The following ADAM10 variants were observed in gnomAD, a reference collection of about 807,000 sequenced individuals.
The protein encoded by ADAM10 is ADAM metallopeptidase domain 10, also known as disintegrin and metalloproteinase domain-containing protein 10.
Under a neutral mutation model 90.1 loss-of-function variants are expected in ADAM10, and 17 were observed. The ratio of observed to expected loss-of-function variants is 0.19; its 90% CI spans 0.13 to 0.28. The LOEUF (loss-of-function observed/expected upper bound fraction) is 0.28. Ranked by LOEUF, ADAM10 falls within the 10% of genes least tolerant of loss-of-function variation. ADAM10 has a pLI of 1.00. For synonymous variants in ADAM10, 310 were observed against 298.6 expected, an observed-to-expected ratio of 1.04 and a Z score of -0.40; for missense variants, 610 against 914.3, an observed-to-expected ratio of 0.67 and a Z score of 4.29.
rs545265290 is a variant in ADAM10, at chr15:58,699,513, C to T, written c.207-17199G>A. Among the ~76,000 whole-genome samples, 12 of 152,274 alleles carry T rather than the reference C, an allele frequency of 7.9e-5. No individual in the cohort carries two copies. In the South Asian group the frequency reaches 2.5e-3, roughly 32 times the overall value. On this transcript the variant is annotated intron_variant, in intron 2 of 15. Coordinates refer to ENST00000260408, the MANE Select transcript of ADAM10 (RefSeq NM_001110.4). ...GTGGCTCACATCTGTAATCCTAGCA[C>T]TTTGGGAGGCCGAAACAGGCAGGTC...
intron 3 of ADAM10, among the ~76,000 whole-genome samples, chr15:58,680,236 C>T (rs1240666388): frequency 6.6e-6 from 1 of 152,110 alleles, no homozygotes; most frequent in Non-Finnish European, 1.5e-5. Context: ...ACTCCTCCCA[C>T]CTCCGCCTCC....
intron 14 of ADAM10, among the ~76,000 whole-genome samples, chr15:58,603,875 T>TTA (rs1355141334): frequency 1.9e-4 from 20 of 102,790 alleles, no homozygotes; most frequent in African/African-American, 6.2e-4. Context: ...GGGTCCAGGG[T>TTA]TAAAAAAAAA....
At chr15:58,743,638 CTT>C (rs1899685936) in intron 1 of ADAM10, among the ~76,000 whole-genome samples, 1 of 150,734 alleles carries the variant, frequency 6.6e-6, no homozygotes, top group African/African-American at 2.4e-5. Flanking sequence ...GAGTTTCACT[CTT>C]GTCGCCCAGG....
intron 5 of ADAM10, among the ~76,000 whole-genome samples, chr15:58,663,133 G>T (rs1245165953): frequency 7.2e-5 from 11 of 152,216 alleles, no homozygotes. Context: ...ATCACAGCTT[G>T]AAAGGGAAAT....
intron 7 of ADAM10, among the ~76,000 whole-genome samples, chr15:58,643,022 T>A (rs902014541): frequency 6.6e-6 from 1 of 152,178 alleles, no homozygotes; most frequent in African/African-American, 2.4e-5. Flanking sequence ...TAGGAAAGCA[T>A]AAATATTAAG....
At position 58,686,722 on chromosome 15, in the gene ADAM10, T is replaced by C; in HGVS notation, c.207-4408A>G. The stretch of plus-strand genomic sequence containing the variant: ...ACTTTTCCCTAACTTTTAGAGATAT[T>C]TCAGCCCTTTCCTGTGGCCCCGTCC... On this transcript the variant is annotated intron_variant, in intron 2 of 15. Coordinates refer to ENST00000260408, the MANE Select transcript of ADAM10 (RefSeq NM_001110.4). 4.8e-6 allele frequency: 3 copies of C among 629,058 alleles called. No individual in the cohort carries two copies. In the South Asian group the frequency reaches 5.4e-5, roughly 11 times the overall value. The allele number at this position is 629,058 out of a possible 1,614,324, so 39.0% of individuals were successfully genotyped here. A position where few individuals can be genotyped will look rare whatever the true frequency, so the allele number is the denominator to read the frequency against.
chr15:58,653,405 T>G (rs1455684528), intron 5 of ADAM10, among the ~76,000 whole-genome samples: 1 of 152,182 alleles, frequency 6.6e-6, no homozygotes, highest in Non-Finnish European at 1.5e-5. Flanking sequence ...ATACGCAATT[T>G]TTTGAGCATT....
Position 58,640,900 on chromosome 15 carries a change from C to T in ADAM10, c.889G>A (p.Val297Met). The T allele has an allele frequency of 6.2e-7, 1 of 1,614,132 alleles. No individual in the cohort carries two copies. The highest frequency in any genetic ancestry group is 8.5e-7 in the Non-Finnish European group (1 of 1,179,992). The change falls in exon 8 of 16, where the codon GTG becomes ATG. Residue 297 changes from valine (V) to methionine (M), a missense_variant. Val to Met is a conservative substitution (Grantham distance 21). This residue lies in a region of ADAM10 where 97 missense variants were observed against 221.4 expected (regional missense o/e 0.44). Transcript: ENST00000260408. ...TNPFRFPNIGVEKFLELNSEQ... is the reference protein window; with the variant it reads ...TNPFRFPNIGMEKFLELNSEQ... Reference sequence around the variant, plus strand: ...GAATTCAATTCCAGAAACTTCTCCACACCAATATTTGGGAAACGGAAAGGA... The same window carrying T: ...GAATTCAATTCCAGAAACTTCTCCATACCAATATTTGGGAAACGGAAAGGA...
rs572090746 is a variant in ADAM10 at position 58,665,541 on chromosome 15, G to A, written c.485-344C>T. On this transcript the variant is annotated intron_variant, in intron 4 of 15. Transcript: ENST00000260408. ...TATGTTTCTGGACCATCATCTGGCA[G>A]GGGTCAAGAGAATCCTTCTGCAGTA... Among the ~76,000 whole-genome samples, 6 of 152,142 alleles carry A rather than the reference G, an allele frequency of 3.9e-5. No individual in the cohort carries two copies. The South Asian group carries it at 1.2e-3, about 32-fold the overall frequency.
At chr15:58,606,956 T>A (rs1895294804) in intron 14 of ADAM10, among the ~76,000 whole-genome samples, 1 of 152,206 alleles carries the variant, frequency 6.6e-6, no homozygotes, top group Non-Finnish European at 1.5e-5. Context: ...CCAAAGACAA[T>A]GTGTAAACAA....
intron 2 of ADAM10, among the ~76,000 whole-genome samples, chr15:58,711,223 T>C (rs984542014): frequency 2.0e-5 from 3 of 152,198 alleles, no homozygotes; most frequent in Admixed American, 1.3e-4. Flanking sequence ...TTCTTCTATA[T>C]TATATACAAA....
At chr15:58,633,473 G>A (rs1301004613) in intron 8 of ADAM10, 114 bp from the exon 9 acceptor site, 2 of 925,638 alleles carry the variant, frequency 2.2e-6, no homozygotes, top group Admixed American at 2.4e-5. Flanking sequence ...AAATAGAACT[G>A]GTACTCAAAC....
chr15:58,724,776 C>T (rs1238182377), intron 1 of ADAM10, among the ~76,000 whole-genome samples: 1 of 152,228 alleles, frequency 6.6e-6, no homozygotes, highest in East Asian at 1.9e-4. Flanking sequence ...CAAAACAATC[C>T]TCAAAGCTCA....
chr15:58,660,656 GT>G (rs1230064114), intron 5 of ADAM10, among the ~76,000 whole-genome samples: 2 of 151,950 alleles, frequency 1.3e-5, no homozygotes, highest in African/African-American at 2.4e-5. Flanking sequence ...TATCCCATCA[GT>G]TTTTTGTTCC....
At chr15:58,616,885 G>T (rs1353832243) in intron 11 of ADAM10, among the ~76,000 whole-genome samples, 1 of 152,126 alleles carries the variant, frequency 6.6e-6, no homozygotes, top group Admixed American at 6.5e-5. Flanking sequence ...GAGGCGGACA[G>T]ATCACAAGGT....
intron 2 of ADAM10, chr15:58,691,676 C>CTTCTTTTTTTTTTTTTTTTTTT (rs746349800): frequency 5.1e-6 from 1 of 196,356 alleles, no homozygotes; most frequent in African/African-American, 4.5e-5. Flanking sequence ...ACTTCTTCTT[C>CTTCTTTTTTTTTTTTTTTTTTT]TTTTTTTTTT....
chr15:58,660,995 G>C (rs1241168614), intron 5 of ADAM10, among the ~76,000 whole-genome samples: 3 of 152,186 alleles, frequency 2.0e-5, no homozygotes, highest in South Asian at 2.1e-4. Context: ...TGCTGACCCC[G>C]GCTCTACGGT....
Position 58,682,329 on chromosome 15 carries a change from G to A in ADAM10, c.207-15C>T, listed in dbSNP as rs1897464362. On this transcript the variant is annotated splice_polypyrimidine_tract_variant and intron_variant, in intron 2 of 15. Transcript: ENST00000260408. ...GGTTGAAATGTCTGTAAAATGGGAT[G>A]GGAAGGGGGAACAACTGAAATTAAA... 3.1e-6 allele frequency: 5 copies of A among 1,606,394 alleles called. No individual in the cohort carries two copies. Among genetic ancestry groups the A allele is most frequent in the Non-Finnish European group, 4.2e-6 (5 of 1,177,580 alleles).
chr15:58,598,907 T>C (rs1895032604), intron 15 of ADAM10, among the ~76,000 whole-genome samples: 1 of 152,232 alleles, frequency 6.6e-6, no homozygotes, highest in African/African-American at 2.4e-5. Flanking sequence ...CTGTGCTTAT[T>C]TGATGAATGA....
Sources: allele counts gnomAD v4.1 joint callset (sites outside exome capture counted in the v4.1 genomes callset), GRCh38; gene constraint gnomAD v4.1.1; regional missense constraint gnomAD v4.1.1; transcripts MANE v1.5; gene names NCBI Gene and HGNC (gene_info 2026-07-23, HGNC 2026-07-21).